Variants in ADAMTS6 observed in about 807,000 individuals in gnomAD.
ADAMTS6 encodes the protein A disintegrin and metalloproteinase with thrombospondin motifs 6.
In ADAMTS6, 23 loss-of-function variants were observed where a neutral mutation model predicts 144.3. That is an observed-to-expected ratio of 0.16 (90% CI 0.11 to 0.23). ADAMTS6 has a LOEUF of 0.23. Among genes scored for constraint, ADAMTS6 ranks in the 10% least tolerant of loss-of-function variants. The probability of loss-of-function intolerance (pLI) is 1.00; values close to 1 mark genes in which losing one functional copy is unlikely to be tolerated. For missense variants in ADAMTS6, 999 were observed against 1,379.6 expected (o/e 0.72, Z 4.37); for synonymous variants, 444 against 457.5 (o/e 0.97, Z 0.38).
intron 9 of ADAMTS6, among the ~76,000 whole-genome samples, chr5:65,316,737 T>G (rs1745038262): frequency 2.0e-5 from 3 of 152,140 alleles, no homozygotes; most frequent in African/African-American, 4.8e-5. Flanking sequence ...TTATTAAGGA[T>G]AAAAATAAAC....
chr5:65,286,303 AT>A (rs1034059847), intron 11 of ADAMTS6, among the ~76,000 whole-genome samples: 7 of 151,886 alleles, frequency 4.6e-5, no homozygotes, highest in East Asian at 1.9e-4. Context: ...TGGTGAACAG[AT>A]TTTTTTTTAT....
chr5:65,206,838 T>TCA (rs147509641), intron 20 of ADAMTS6, among the ~76,000 whole-genome samples: 18,983 of 144,876 alleles, frequency 0.13, 1,210 homozygotes, highest in African/African-American at 0.15. Context: ...TCTCTCTCTC[T>TCA]CACACACACA....
chr5:65,257,238 T>A (rs1248027680), intron 14 of ADAMTS6, among the ~76,000 whole-genome samples: 1 of 152,090 alleles, frequency 6.6e-6, no homozygotes, highest in African/African-American at 2.4e-5. Context: ...GGTCCCCCTC[T>A]CAAGACTTAA....
intron 21 of ADAMTS6, among the ~76,000 whole-genome samples, chr5:65,191,661 T>G (rs1755022410): frequency 6.6e-6 from 1 of 152,042 alleles, no homozygotes; most frequent in African/African-American, 2.4e-5. Context: ...TTAAATTAAC[T>G]TAAAAAAATT....
intron 8 of ADAMTS6, among the ~76,000 whole-genome samples, chr5:65,331,391 A>G (rs1480907179): frequency 1.3e-5 from 2 of 152,090 alleles, no homozygotes; most frequent in Non-Finnish European, 2.9e-5. Flanking sequence ...TTACAAGCAC[A>G]GATTTACTTC....
intron 19 of ADAMTS6, 64 bp downstream of exon 19, chr5:65,215,260 C>A: frequency 6.6e-7 from 1 of 1,525,286 alleles, no homozygotes; most frequent in Non-Finnish European, 8.9e-7. Flanking sequence ...ATAAAACCTG[C>A]CCCTTCCTAC....
intron 7 of ADAMTS6, among the ~76,000 whole-genome samples, chr5:65,434,433 G>T (rs912787563): frequency 2.0e-5 from 3 of 152,128 alleles, no homozygotes; most frequent in African/African-American, 4.8e-5. Context: ...GGCTAAATGG[G>T]TGAATTGTAT....
chr5:65,238,462 T>C (rs939837624), intron 15 of ADAMTS6, among the ~76,000 whole-genome samples: 1 of 151,962 alleles, frequency 6.6e-6, no homozygotes, highest in African/African-American at 2.4e-5. Flanking sequence ...TAGCTGGACA[T>C]GACAGTGTGC....
chr5:65,440,067 CA>C (rs1189139362), intron 7 of ADAMTS6, among the ~76,000 whole-genome samples: 9 of 152,252 alleles, frequency 5.9e-5, no homozygotes, highest in Middle Eastern at 6.8e-3. Flanking sequence ...CTCGGCGTCC[CA>C]AAGTGCTGGG....
intron 7 of ADAMTS6, among the ~76,000 whole-genome samples, chr5:65,443,736 A>G (rs1245032119): frequency 6.6e-6 from 1 of 151,850 alleles, no homozygotes; most frequent in Non-Finnish European, 1.5e-5. Context: ...AACAATTCAG[A>G]AAAGGCATTT....
At chr5:65,210,517 G>T in intron 20 of ADAMTS6, 1 of 410,178 alleles carries the variant, frequency 2.4e-6, no homozygotes, top group Non-Finnish European at 4.6e-6. Context: ...ATATAATGTG[G>T]AAAGCATTGA....
intron 11 of ADAMTS6, among the ~76,000 whole-genome samples, chr5:65,276,533 A>C (rs1762559815): frequency 6.6e-6 from 1 of 152,178 alleles, no homozygotes; most frequent in African/African-American, 2.4e-5. Context: ...AGAAAATTTC[A>C]TTTCATACCA....
At chr5:65,323,391 G>C (rs1252703605) in intron 9 of ADAMTS6, among the ~76,000 whole-genome samples, 1 of 150,718 alleles carries the variant, frequency 6.6e-6, no homozygotes, top group Non-Finnish European at 1.5e-5. Flanking sequence ...CCTTCCAATA[G>C]TTTGCTGAGG....
intron 18 of ADAMTS6, among the ~76,000 whole-genome samples, chr5:65,220,518 G>A (rs754125043): frequency 3.9e-5 from 6 of 152,128 alleles, no homozygotes; most frequent in African/African-American, 7.2e-5. Flanking sequence ...GCCGAAGGGC[G>A]GGTGCATCAT....
chr5:65,263,050 A>G, intron 12 of ADAMTS6, 88 bp from the exon 13 acceptor site: 1 of 1,492,258 alleles, frequency 6.7e-7, no homozygotes, highest in Non-Finnish European at 9.2e-7. Context: ...GTACTGACCA[A>G]CTATAGGCAT....
At chr5:65,278,984 C>T (rs952345462) in intron 11 of ADAMTS6, among the ~76,000 whole-genome samples, 2 of 150,434 alleles carry the variant, frequency 1.3e-5, no homozygotes, top group Non-Finnish European at 2.9e-5. Flanking sequence ...CACTCTGTAG[C>T]CCAGGCTGAA....
At chr5:65,437,981 C>T (rs1301725614) in intron 7 of ADAMTS6, among the ~76,000 whole-genome samples, 1 of 152,040 alleles carries the variant, frequency 6.6e-6, no homozygotes, top group Non-Finnish European at 1.5e-5. Flanking sequence ...TTAAATGTTA[C>T]CCCTTTGATA....
At chr5:65,163,078 T>A (rs1401987001) in intron 24 of ADAMTS6, among the ~76,000 whole-genome samples, 2 of 152,136 alleles carry the variant, frequency 1.3e-5, no homozygotes, top group African/African-American at 4.8e-5. Flanking sequence ...CCTAGCTAAC[T>A]TTTTTATTTT....
Position 65,291,445 on chromosome 5 carries a change from T to A in ADAMTS6, c.1396A>T (p.Asn466Tyr). ...AGAAAGTCACGCTTGGGAGGCTCATTATCAAGGCAAGTACCACGGCCTGAA... is the reference window on the plus strand; with the variant it reads ...AGAAAGTCACGCTTGGGAGGCTCATAATCAAGGCAAGTACCACGGCCTGAA... ...LDSGRGTCLD[N>Y]EPPKRDFLYP... Residue 466 changes from asparagine (N) to tyrosine (Y), a missense_variant, in exon 11 of 25, where the codon AAT (asparagine) becomes TAT (tyrosine). By Grantham distance (143) the Asn-to-Tyr change is moderately radical. This residue lies in a region of ADAMTS6 where 619 missense variants were observed against 837.0 expected (regional missense o/e 0.74). Transcript: ENST00000381055. 1.9e-6 allele frequency: 3 copies of A among 1,613,908 alleles called. No homozygotes were observed. The highest frequency in any genetic ancestry group is 2.5e-6 in the Non-Finnish European group (3 of 1,179,866).
Sources: gnomAD v4.1 joint callset for allele counts (sites outside exome capture counted in the v4.1 genomes callset) on GRCh38, gnomAD v4.1.1 for gene constraint, gnomAD v4.1.1 regional missense constraint, MANE v1.5 for transcripts, NCBI Gene and HGNC (gene_info 2026-07-23, HGNC 2026-07-21) for gene names.